The following RBM33 variants were observed in gnomAD, a reference collection of about 807,000 sequenced individuals.
RBM33 encodes the protein RNA binding motif protein 33.
Under a neutral mutation model 132.6 loss-of-function variants are expected in RBM33, and 28 were observed. That is an observed-to-expected ratio of 0.21 (90% CI 0.16 to 0.29). The LOEUF (loss-of-function observed/expected upper bound fraction) is 0.29. Ranked by LOEUF, RBM33 falls within the 10% of genes least tolerant of loss-of-function variation. The pLI, the probability that RBM33 is intolerant of heterozygous loss-of-function variation, is 1.00. For synonymous variants in RBM33, 634 were observed against 593.0 expected (o/e 1.07, Z -1.01); for missense variants, 1,291 against 1,518.5 (o/e 0.85, Z 2.49).
chr7:155,757,361 A>AG (rs1444112077), intron 14 of RBM33, among the ~76,000 whole-genome samples: 2 of 152,180 alleles, frequency 1.3e-5, no homozygotes, highest in Admixed American at 6.5e-5. Context: ...TCTTTTAATT[A>AG]GAAAAAAAAA....
intron 6 of RBM33, among the ~76,000 whole-genome samples, chr7:155,703,818 T>TA (rs1390473603): frequency 6.6e-6 from 1 of 152,280 alleles, no homozygotes; most frequent in African/African-American, 2.4e-5. Flanking sequence ...GAGATCAAAA[T>TA]AAAAAAACCT....
At chr7:155,737,830 C>T (rs1344511939) in intron 10 of RBM33, among the ~76,000 whole-genome samples, 168 bp downstream of exon 10, 1 of 152,122 alleles carries the variant, frequency 6.6e-6, no homozygotes, top group Non-Finnish European at 1.5e-5. Context: ...TAAAATTGGA[C>T]ATTGTTGGTA....
rs758210502 is a variant in RBM33, at chr7:155,778,827, A to G, written c.*3786A>G. On this transcript the variant is annotated 3_prime_UTR_variant, in exon 18 of 18. Coordinates refer to ENST00000401878, the MANE Select transcript of RBM33 (RefSeq NM_053043.3). This position sits in a 1 kb window ranked among gnomAD's most constrained non-coding sequence, Gnocchi z 4.0. ...TTGGGAAGGTAAGCGGAATGTGCTCATAGACCATCAGACGCTTGTCGAAGG... is the reference window on the plus strand; with the variant it reads ...TTGGGAAGGTAAGCGGAATGTGCTCGTAGACCATCAGACGCTTGTCGAAGG... The G allele has an allele frequency of 2.0e-5, 3 of 152,954 alleles. No individual in the cohort carries two copies. The highest frequency in any genetic ancestry group is 4.4e-5 in the Non-Finnish European group (3 of 68,074). 9.5% of individuals were successfully genotyped at this position (152,954 alleles called of 1,614,324 possible). A position where few individuals can be genotyped will look rare whatever the true frequency, so the allele number is the denominator to read the frequency against.
intron 9 of RBM33, among the ~76,000 whole-genome samples, chr7:155,728,810 AG>A (rs1473783760): frequency 1.3e-5 from 2 of 152,218 alleles, no homozygotes; most frequent in Non-Finnish European, 1.5e-5. Context: ...AGGAATTCAC[AG>A]TGTGCTCTGC....
At chr7:155,749,023 G>A (rs376322088) in intron 14 of RBM33, among the ~76,000 whole-genome samples, 7 of 152,284 alleles carry the variant, frequency 4.6e-5, no homozygotes, top group Middle Eastern at 3.4e-3. Context: ...ACCTGTGCAC[G>A]CAGTCATGTG....
chr7:155,723,410 T>C (rs1161170079), intron 9 of RBM33, among the ~76,000 whole-genome samples: 2 of 152,206 alleles, frequency 1.3e-5, no homozygotes, highest in African/African-American at 4.8e-5. Flanking sequence ...AGGAGACCCT[T>C]CCAGCTGTCA....
chr7:155,655,320 T>C (rs1357810036), intron 1 of RBM33, among the ~76,000 whole-genome samples: 1 of 152,212 alleles, frequency 6.6e-6, no homozygotes, highest in Non-Finnish European at 1.5e-5. Flanking sequence ...TGTACTTTTA[T>C]TTGACCTCTC....
At chr7:155,707,254 C>T (rs1372214504) in intron 7 of RBM33, 186 bp downstream of exon 7, 40 of 695,904 alleles carry the variant, frequency 5.7e-5, no homozygotes, top group Non-Finnish European at 9.9e-5. Flanking sequence ...AAATTCAGCA[C>T]TCCAGTCATC....
intron 7 of RBM33, among the ~76,000 whole-genome samples, chr7:155,709,824 G>A (rs1227315824): frequency 1.3e-5 from 2 of 152,236 alleles, no homozygotes; most frequent in Non-Finnish European, 2.9e-5. Context: ...GTGTGCTAGT[G>A]GATGTGAGCT....
intron 5 of RBM33, among the ~76,000 whole-genome samples, chr7:155,681,671 C>T (rs1039950084): frequency 2.6e-5 from 4 of 151,830 alleles, no homozygotes; most frequent in East Asian, 1.9e-4. Flanking sequence ...CTATGGGGGC[C>T]GAGTGAATGG....
chr7:155,773,410 AC>A (rs1454347502), intron 16 of RBM33, among the ~76,000 whole-genome samples: 7 of 152,074 alleles, frequency 4.6e-5, no homozygotes, highest in Admixed American at 3.9e-4. Flanking sequence ...TACTAAAAAT[AC>A]AAAAAATTAG....
chr7:155,766,856 A>G, intron 16 of RBM33: 1 of 599,368 alleles, frequency 1.7e-6, no homozygotes, highest in East Asian at 2.9e-5. Flanking sequence ...TCAGATTCTT[A>G]GTTATAAATT....
At chr7:155,724,991 TGTGTGTGTGTG>T (rs1483594857) in intron 9 of RBM33, among the ~76,000 whole-genome samples, 8 of 51,570 alleles carry the variant, frequency 1.6e-4, no homozygotes, top group Non-Finnish European at 4.1e-4. Context: ...TGTACAGGTT[TGTGTGTGTGTG>T]TGTGTGTGTG....
chr7:155,673,712 GTATA>G (rs543737625), intron 3 of RBM33, among the ~76,000 whole-genome samples: 1 of 129,872 alleles, frequency 7.7e-6, no homozygotes, highest in East Asian at 2.4e-4. Flanking sequence ...ATACACACGT[GTATA>G]TATATACACA....
At chr7:155,725,203 G>GTTTTTTTTTTTT (rs59050644) in intron 9 of RBM33, among the ~76,000 whole-genome samples, 2 of 105,178 alleles carry the variant, frequency 1.9e-5, no homozygotes, top group Non-Finnish European at 4.0e-5. Context: ...TTTTTTAGTT[G>GTTTTTTTTTTTT]TTTTTTTTTT....
intron 6 of RBM33, among the ~76,000 whole-genome samples, chr7:155,706,311 G>T (rs1269027175): frequency 6.6e-6 from 1 of 152,176 alleles, no homozygotes; most frequent in Admixed American, 6.5e-5. Context: ...GGGCAACATG[G>T]TGAAACCCCG....
intron 3 of RBM33, among the ~76,000 whole-genome samples, chr7:155,676,894 G>A (rs1799199099): frequency 1.3e-5 from 2 of 152,166 alleles, no homozygotes; most frequent in Non-Finnish European, 2.9e-5. Context: ...TGACTCCCAC[G>A]AGGGCTCACC....
rs59050644 is a variant in RBM33 at position 155,725,203 on chromosome 7, G to GTT, written c.1260+6780_1260+6781dup. On this transcript the variant is annotated intron_variant, in intron 9 of 17. Coordinates refer to ENST00000401878, the MANE Select transcript of RBM33 (RefSeq NM_053043.3). Reference sequence around the variant, plus strand: ...TAGTTGGTTCTTTCCTTTTTTAGTTGTTTTTTTTTTTTTTTTTTTTTGAAT... The same window carrying GTT: ...TAGTTGGTTCTTTCCTTTTTTAGTTGTTTTTTTTTTTTTTTTTTTTTTTGAAT... Among the ~76,000 whole-genome samples the GTT allele has an allele frequency of 8.0e-3, 836 of 105,072 alleles. 19 individuals are homozygous for GTT. Among genetic ancestry groups the GTT allele is most frequent in the African/African-American group, 0.024 (721 of 30,284 alleles). 68.9% of individuals were successfully genotyped at this position (105,072 alleles called of 152,430 possible).
At chr7:155,658,732 TG>T (rs2116879587) in intron 1 of RBM33, among the ~76,000 whole-genome samples, 1 of 152,280 alleles carries the variant, frequency 6.6e-6, no homozygotes, top group Non-Finnish European at 1.5e-5. Context: ...TGCCAGTCTG[TG>T]ATGTGACAGA....
Sources: gnomAD v4.1 joint callset for allele counts (sites outside exome capture counted in the v4.1 genomes callset) on GRCh38, gnomAD v4.1.1 for gene constraint, Gnocchi (gnomAD v3.1) non-coding constraint, MANE v1.5 for transcripts, NCBI Gene and HGNC (gene_info 2026-07-23, HGNC 2026-07-21) for gene names.